The following F8 variants were observed in gnomAD, a reference collection of about 807,000 sequenced individuals.
F8 encodes the protein coagulation factor VIII.
A neutral mutation model predicts 140.6 loss-of-function variants in F8; 12 were observed. The ratio of observed to expected loss-of-function variants is 0.09; its 90% CI spans 0.05 to 0.14. The LOEUF (loss-of-function observed/expected upper bound fraction) is 0.14. Among genes scored for constraint, F8 ranks in the 10% least tolerant of loss-of-function variants. The pLI is 1.00. For missense variants in F8, 1,354 were observed against 1,720.7 expected (o/e 0.79, Z 3.77); for synonymous variants, 585 against 614.6 (o/e 0.95, Z 0.71).
chrX:154,877,065 A>G (rs1352641556), intron 22 of F8, among the ~76,000 whole-genome samples: 13 of 112,148 alleles, frequency 1.2e-4, no homozygotes, highest in Non-Finnish European at 2.4e-4. Context: ...CAGCATCCAA[A>G]AAGTTTATGT....
chrX:154,935,451 A>G (rs1228118194), intron 13 of F8, among the ~76,000 whole-genome samples: 1 of 111,977 alleles, frequency 8.9e-6, no homozygotes, highest in African/African-American at 3.2e-5. Flanking sequence ...ATTTTCAACA[A>G]ATGGTGCCGG....
rs782064745 is a variant in F8, at chrX:154,928,995, A to G, written c.4795T>C (p.Trp1599Arg). Residue 1599 changes from tryptophan to arginine, a missense_variant, in exon 14 of 26, where the codon TGG (tryptophan) becomes CGG (arginine). Transcript: ENST00000360256. ...HYGTQIPKEEWKSQEKSPEKT... is the reference protein window; with the variant it reads ...HYGTQIPKEERKSQEKSPEKT... ...TCTGGTGACTTCTCTTGGGATTTCC[A>G]CTCTTCTTTTGGTATCTGAGTACCA... The G allele has an allele frequency of 1.2e-5, 15 of 1,210,673 alleles. No individual in the cohort carries two copies. Among genetic ancestry groups the G allele is most frequent in the Non-Finnish European group, 1.7e-5 (15 of 895,222 alleles).
At chrX:154,848,203 C>T (rs1194796926) in intron 25 of F8, among the ~76,000 whole-genome samples, 2 of 112,768 alleles carry the variant, frequency 1.8e-5, no homozygotes, top group South Asian at 3.6e-4. Context: ...CCTACTGGGG[C>T]GTGCCTCCCA....
intron 1 of F8, among the ~76,000 whole-genome samples, chrX:155,007,041 C>T: frequency 1.0e-5 from 1 of 96,635 alleles, no homozygotes; most frequent in Non-Finnish European, 2.1e-5. Flanking sequence ...CGAGAAAGCA[C>T]GTAGTCCAGG....
chrX:154,940,324 C>G (rs2073252929), intron 13 of F8, among the ~76,000 whole-genome samples: 1 of 111,751 alleles, frequency 8.9e-6, no homozygotes. Context: ...GGTTAAAGGA[C>G]CTGATGGAGC....
chrX:155,000,974 A>G (rs1483252226), intron 1 of F8, among the ~76,000 whole-genome samples: 2 of 111,689 alleles, frequency 1.8e-5, no homozygotes, highest in African/African-American at 3.3e-5. Flanking sequence ...GATTGTAAGT[A>G]TTCATATGCT....
intron 14 of F8, among the ~76,000 whole-genome samples, chrX:154,906,941 G>A (rs957787760): frequency 1.8e-5 from 2 of 111,853 alleles, no homozygotes; most frequent in African/African-American, 3.2e-5. Flanking sequence ...TTAAAATTGT[G>A]AACTAAAAAA....
At chrX:154,913,120 T>C (rs782306950) in intron 14 of F8, among the ~76,000 whole-genome samples, 7 of 112,020 alleles carry the variant, frequency 6.2e-5, no homozygotes, top group Admixed American at 1.9e-4. Flanking sequence ...AAAAAATGAA[T>C]AGATGTTTTC....
At chrX:154,854,727 T>C (rs2072639335) in intron 25 of F8, among the ~76,000 whole-genome samples, 1 of 111,924 alleles carries the variant, frequency 8.9e-6, no homozygotes, top group South Asian at 3.7e-4. Flanking sequence ...ATAAATTTTA[T>C]AAATTTGTTA....
chrX:154,869,075 C>T (rs782126974), intron 22 of F8, among the ~76,000 whole-genome samples: 4 of 111,368 alleles, frequency 3.6e-5, no homozygotes, highest in East Asian at 5.6e-4. Context: ...TACAAAGAGA[C>T]GTAGACTCCC....
At chrX:154,859,193 GA>G (rs1603431439) in intron 25 of F8, among the ~76,000 whole-genome samples, 1 of 111,628 alleles carries the variant, frequency 9.0e-6, no homozygotes, top group Non-Finnish European at 1.9e-5. Context: ...CAGACAGACA[GA>G]ATCTCCTATT....
intron 22 of F8, among the ~76,000 whole-genome samples, chrX:154,875,210 T>C (rs149535264): frequency 6.9e-4 from 77 of 111,714 alleles, no homozygotes; most frequent in Non-Finnish European, 1.2e-3. Flanking sequence ...TGCTAGGGAC[T>C]GTGGTGTGGG....
At chrX:154,947,982 A>C (rs1603434469) in intron 12 of F8, 75 bp from the exon 13 acceptor site, 2 of 785,905 alleles carry the variant, frequency 2.5e-6, no homozygotes, top group Non-Finnish European at 3.9e-6. Flanking sequence ...GTCATGATAC[A>C]ATTAGGAATT....
intron 25 of F8, among the ~76,000 whole-genome samples, chrX:154,838,456 G>A (rs1227437107): frequency 8.9e-6 from 1 of 112,021 alleles, no homozygotes; most frequent in Non-Finnish European, 1.9e-5. Context: ...AGAAAGTCCA[G>A]CCAAATGGTG....
At chrX:154,907,747 G>A (rs921361309) in intron 14 of F8, among the ~76,000 whole-genome samples, 1 of 111,102 alleles carries the variant, frequency 9.0e-6, no homozygotes, top group African/African-American at 3.3e-5. Context: ...TTTTCTTGTT[G>A]AATCAAAAGA....
At chrX:154,863,040 C>A in intron 23 of F8, 43 bp downstream of exon 23, 2 of 1,188,522 alleles carry the variant, frequency 1.7e-6, no homozygotes, top group South Asian at 3.5e-5. Flanking sequence ...GTCACCCTAC[C>A]CATGGTTGAG....
intron 22 of F8, among the ~76,000 whole-genome samples, chrX:154,873,079 A>G (rs2072786713): frequency 8.9e-6 from 1 of 111,904 alleles, no homozygotes; most frequent in Admixed American, 9.5e-5. Context: ...GATTGGAAGA[A>G]TTAGTATTGT....
chrX:154,937,627 A>T (rs1451446540), intron 13 of F8, among the ~76,000 whole-genome samples: 3 of 111,523 alleles, frequency 2.7e-5, no homozygotes, highest in Non-Finnish European at 5.7e-5. Flanking sequence ...CTTAGATGAA[A>T]GGGACATATT....
chrX:154,952,734 G>A (rs1368517594), intron 12 of F8, among the ~76,000 whole-genome samples: 1 of 110,080 alleles, frequency 9.1e-6, no homozygotes, highest in Non-Finnish European at 1.9e-5. Context: ...AGTAGAGACG[G>A]GGTTTCACTA....
Sources: allele counts gnomAD v4.1 joint callset (sites outside exome capture counted in the v4.1 genomes callset), GRCh38; gene constraint gnomAD v4.1.1; transcripts MANE v1.5; gene names NCBI Gene and HGNC (gene_info 2026-07-23, HGNC 2026-07-21).